The following CACNA1A variants were observed in gnomAD, a reference collection of about 807,000 sequenced individuals.
CACNA1A encodes voltage-dependent P/Q-type calcium channel subunit alpha-1A.
A neutral mutation model predicts 262.4 loss-of-function variants in CACNA1A; 57 were observed. The observed-to-expected ratio is 0.22, with a 90% CI of 0.18 to 0.27. CACNA1A has a LOEUF of 0.27. CACNA1A is among the 10% of genes least tolerant of loss of function. The pLI is 1.00. For missense variants in CACNA1A, 2,526 were observed against 3,562.8 expected, an observed-to-expected ratio of 0.71 and a Z score of 7.41; for synonymous variants, 1,431 against 1,419.3, an observed-to-expected ratio of 1.01 and a Z score of -0.18.
intron 3 of CACNA1A, among the ~76,000 whole-genome samples, chr19:13,412,654 T>C (rs758408176): frequency 2.0e-5 from 3 of 151,880 alleles, no homozygotes; most frequent in Non-Finnish European, 4.4e-5. Context: ...ATTTCGTATT[T>C]TCAGTAGAGA....
intron 30 of CACNA1A, 83 bp downstream of exon 30, chr19:13,252,908 G>T (rs911022908): frequency 6.7e-6 from 6 of 891,336 alleles, no homozygotes; most frequent in Middle Eastern, 2.4e-4. Flanking sequence ...TTGGGGCCAC[G>T]TTGGGAGACC....
At chr19:13,497,578 AT>A (rs1460679734) in intron 1 of CACNA1A, among the ~76,000 whole-genome samples, 1 of 73,388 alleles carries the variant, frequency 1.4e-5, no homozygotes, top group Non-Finnish European at 2.4e-5. Context: ...ATATATATAT[AT>A]AAATTTATGT....
At chr19:13,288,280 C>T (rs1191286894) in intron 19 of CACNA1A, among the ~76,000 whole-genome samples, 1 of 151,464 alleles carries the variant, frequency 6.6e-6, no homozygotes, top group East Asian at 1.9e-4. Context: ...CACTCTGTTG[C>T]CCAGGCTGGA....
chr19:13,325,636 T>C (rs1367802559), intron 10 of CACNA1A, among the ~76,000 whole-genome samples: 4 of 152,326 alleles, frequency 2.6e-5, no homozygotes, highest in African/African-American at 7.2e-5. Context: ...AGTTTCGCCA[T>C]GTTGGCCAGG....
intron 5 of CACNA1A, among the ~76,000 whole-genome samples, chr19:13,360,961 C>T (rs1016098034): frequency 6.6e-6 from 1 of 152,130 alleles, no homozygotes; most frequent in African/African-American, 2.4e-5. Flanking sequence ...TCTGTTGAGA[C>T]AAACTTTATG....
chr19:13,317,415 A>G, intron 10 of CACNA1A, 94 bp from the exon 11 acceptor site: 1 of 1,030,002 alleles, frequency 9.7e-7, no homozygotes, highest in Non-Finnish European at 1.4e-6. Context: ...TAGCCAGGGG[A>G]TCCATTAGTC....
intron 3 of CACNA1A, among the ~76,000 whole-genome samples, chr19:13,439,415 T>C (rs1027726275): frequency 2.0e-5 from 3 of 148,576 alleles, no homozygotes; most frequent in Admixed American, 1.4e-4. Flanking sequence ...TCTTTTTTTT[T>C]TTTTGACGGA....
intron 11 of CACNA1A, chr19:13,315,514 A>C (rs183772887): frequency 6.6e-6 from 1 of 152,230 alleles, no homozygotes. Context: ...CAGACTGTAC[A>C]AGATGATTAG....
intron 37 of CACNA1A, chr19:13,225,062 C>T: frequency 3.1e-6 from 1 of 320,880 alleles, no homozygotes. Flanking sequence ...CTTGCCCCAC[C>T]CCCGCCCTGC....
At chr19:13,334,526 G>T in intron 7 of CACNA1A, 33 bp from the exon 8 acceptor site, 2 of 1,156,552 alleles carry the variant, frequency 1.7e-6, no homozygotes, top group Non-Finnish European at 2.6e-6. Context: ...GAGTATGGCT[G>T]TTTTGAAAAT....
rs1355907851 is a variant in CACNA1A, at chr19:13,236,961, G to C, written c.4951-1231C>G. On this transcript the variant is annotated intron_variant, in intron 31 of 46. Coordinates refer to ENST00000360228, the MANE Select transcript of CACNA1A (RefSeq NM_001127222.2). The surrounding 1 kb of genome is among the most constrained non-coding windows in gnomAD (Gnocchi z 4.6). ...ATCTAGCTAATAAAACTGTTTTGTTGGGCCCGAGCAGTGTTTTTTCATTTG... is the reference window on the plus strand; with the variant it reads ...ATCTAGCTAATAAAACTGTTTTGTTCGGCCCGAGCAGTGTTTTTTCATTTG... Among the ~76,000 whole-genome samples the C allele has an allele frequency of 3.3e-5, 5 of 152,010 alleles. No individual in the cohort carries two copies. The highest frequency in any genetic ancestry group is 7.4e-5 in the Non-Finnish European group (5 of 67,986).
chr19:13,335,026 C>T lies in CACNA1A; in HGVS notation c.1083-533G>A, dbSNP rs151267576. Among the ~76,000 whole-genome samples the T allele has an allele frequency of 5.8e-3, 638 of 109,134 alleles. 2 individuals carry two copies. The highest frequency in any genetic ancestry group is 0.015 in the African/African-American group (574 of 37,668). 71.6% of individuals were successfully genotyped at this position (109,134 alleles called of 152,430 possible). ...CCAGTCTGGGTAATAAAGCTAGACA[C>T]CGTCTCAAAAAAAAACAATAAAAAA... On this transcript the variant is annotated intron_variant, in intron 7 of 46. Coordinates refer to ENST00000360228, the MANE Select transcript of CACNA1A (RefSeq NM_001127222.2).
Position 13,404,189 on chromosome 19 carries a change from T to TACACACACAC in CACNA1A, c.540-32420_540-32411dup, listed in dbSNP as rs374169413. On this transcript the variant is annotated intron_variant, in intron 3 of 46. Transcript: ENST00000360228. Reference sequence around the variant, plus strand: ...ATGTGCATATATATATATACACATATACACACACACACACACAGTAATAAG... The same window carrying TACACACACAC: ...ATGTGCATATATATATATACACATATACACACACACACACACACACACACACAGTAATAAG... 8.0e-3 allele frequency among the ~76,000 whole-genome samples: 1,212 copies of TACACACACAC among 150,956 alleles called. 9 individuals carry two copies. The highest frequency in any genetic ancestry group is 0.014 in the Non-Finnish European group (938 of 67,632).
chr19:13,458,228 T>C (rs965110897), intron 1 of CACNA1A, among the ~76,000 whole-genome samples: 3 of 152,150 alleles, frequency 2.0e-5, no homozygotes, highest in Non-Finnish European at 2.9e-5. Flanking sequence ...GGCATGATCA[T>C]AGCTCACCGC....
chr19:13,390,860 T>A (rs2062947694), intron 3 of CACNA1A, among the ~76,000 whole-genome samples: 1 of 152,146 alleles, frequency 6.6e-6, no homozygotes, highest in Non-Finnish European at 1.5e-5. Context: ...AGCATCTGGA[T>A]GTAAGGTTTG....
chr19:13,300,711 C>G, intron 17 of CACNA1A, 55 bp from the exon 18 acceptor site: 5 of 1,387,180 alleles, frequency 3.6e-6, no homozygotes, highest in Non-Finnish European at 5.1e-6. Flanking sequence ...CTTGGGGACT[C>G]ACTTCTGACC....
chr19:13,361,333 C>T (rs541173196), intron 5 of CACNA1A, among the ~76,000 whole-genome samples: 148 of 152,216 alleles, frequency 9.7e-4, no homozygotes, highest in Non-Finnish European at 1.7e-3. Flanking sequence ...TCAGGCTGAA[C>T]GCTAAAGGTC....
chr19:13,364,642 TA>T (rs1234171254), intron 5 of CACNA1A: 4 of 119,746 alleles, frequency 3.3e-5, no homozygotes, highest in Admixed American at 1.6e-4. Flanking sequence ...TTTATATTTT[TA>T]TTTATTTATT....
rs529486602 is a variant in CACNA1A, at chr19:13,411,133, C to T, written c.540-39354G>A. Among the ~76,000 whole-genome samples, 29 of 152,244 alleles carry T rather than the reference C, an allele frequency of 1.9e-4. No homozygotes were observed. The East Asian group carries it at 5.0e-3, about 26-fold the overall frequency. On this transcript the variant is annotated intron_variant, in intron 3 of 46. Coordinates refer to ENST00000360228, the MANE Select transcript of CACNA1A (RefSeq NM_001127222.2). The stretch of plus-strand genomic sequence containing the variant: ...TTGCCATTACTTTTAATGGCAAAAC[C>T]GCAATTACTTTTGCACCAACCTAAT...
Sources: allele counts gnomAD v4.1 joint callset (sites outside exome capture counted in the v4.1 genomes callset), GRCh38; gene constraint gnomAD v4.1.1; non-coding constraint Gnocchi (gnomAD v3.1); transcripts MANE v1.5; gene names NCBI Gene and HGNC (gene_info 2026-07-23, HGNC 2026-07-21).